THSD4: variants seen among roughly 807,000 people sequenced by gnomAD.
The protein encoded by THSD4 is thrombospondin type-1 domain-containing protein 4.
THSD4 carries 69 observed loss-of-function variants against 119.0 expected under a neutral mutation model. The ratio of observed to expected loss-of-function variants is 0.58; its 90% CI spans 0.48 to 0.71. THSD4 has a LOEUF of 0.71. Ranked by LOEUF, THSD4 falls within the 30% of genes least tolerant of loss-of-function variation. The probability of loss-of-function intolerance (pLI) is 0.00; values close to 1 mark genes in which losing one functional copy is unlikely to be tolerated. For missense variants in THSD4, 1,393 were observed against 1,391.1 expected, an observed-to-expected ratio of 1.00 and a Z score of -0.02; for synonymous variants, 524 against 540.4, an observed-to-expected ratio of 0.97 and a Z score of 0.42.
At chr15:71,262,705 A>G (rs990537625) in intron 6 of THSD4, among the ~76,000 whole-genome samples, 2 of 152,336 alleles carry the variant, frequency 1.3e-5, no homozygotes, top group Middle Eastern at 3.4e-3. Flanking sequence ...AAGGTCGCCA[A>G]CTGGTGACAT....
At chr15:71,222,988 C>A (rs920336196) in intron 4 of THSD4, among the ~76,000 whole-genome samples, 1 of 152,170 alleles carries the variant, frequency 6.6e-6, no homozygotes, top group Admixed American at 6.5e-5. Flanking sequence ...TAATAATACA[C>A]CTACCTCACT....
chr15:71,760,371 T>G (rs2053609754), intron 15 of THSD4, among the ~76,000 whole-genome samples: 1 of 152,228 alleles, frequency 6.6e-6, no homozygotes, highest in African/African-American at 2.4e-5. Context: ...AAGGAGTTTC[T>G]GGCTTTAGAG....
intron 7 of THSD4, among the ~76,000 whole-genome samples, chr15:71,616,759 C>G (rs1358965135): frequency 6.6e-6 from 1 of 152,230 alleles, no homozygotes; most frequent in East Asian, 1.9e-4. Flanking sequence ...AGATGAGATT[C>G]CTGCATTGGG....
At chr15:71,400,954 A>G (rs1031205832) in intron 6 of THSD4, among the ~76,000 whole-genome samples, 1 of 152,172 alleles carries the variant, frequency 6.6e-6, no homozygotes, top group African/African-American at 2.4e-5. Context: ...CTCCAGGAAC[A>G]GCTTCACATG....
intron 7 of THSD4, among the ~76,000 whole-genome samples, chr15:71,601,455 G>C (rs1248922668): frequency 2.6e-5 from 4 of 152,208 alleles, no homozygotes; most frequent in Non-Finnish European, 5.9e-5. Flanking sequence ...GGGTGAGCAT[G>C]TCCAGGCTGC....
chr15:71,718,545 A>C (rs2052653317), intron 8 of THSD4, among the ~76,000 whole-genome samples: 1 of 152,244 alleles, frequency 6.6e-6, no homozygotes, highest in South Asian at 2.1e-4. Flanking sequence ...GGCTCCTAAA[A>C]CCAGATTTCA....
intron 7 of THSD4, among the ~76,000 whole-genome samples, chr15:71,581,724 C>T (rs2049562559): frequency 1.3e-5 from 2 of 152,182 alleles, no homozygotes; most frequent in African/African-American, 4.8e-5. Flanking sequence ...TGATTCCACT[C>T]TTCTGCATGT....
chr15:71,565,585 G>T (rs1041604108), intron 7 of THSD4, among the ~76,000 whole-genome samples: 2 of 152,336 alleles, frequency 1.3e-5, no homozygotes, highest in East Asian at 3.9e-4. Flanking sequence ...AAATGATTTA[G>T]AGAAGTAAAA....
At chr15:71,384,946 C>T (rs1167377297) in intron 6 of THSD4, among the ~76,000 whole-genome samples, 1 of 152,126 alleles carries the variant, frequency 6.6e-6, no homozygotes, top group Non-Finnish European at 1.5e-5. Flanking sequence ...TTTTTCTTTA[C>T]CTAAACATGC....
chr15:71,438,181 ATCTG>A (rs923404498), intron 7 of THSD4, among the ~76,000 whole-genome samples: 2 of 152,040 alleles, frequency 1.3e-5, no homozygotes, highest in African/African-American at 2.4e-5. Flanking sequence ...CTTTTGTGTG[ATCTG>A]TCTTTTAATA....
intron 6 of THSD4, among the ~76,000 whole-genome samples, chr15:71,279,587 G>C (rs1484424853): frequency 6.6e-6 from 1 of 152,156 alleles, no homozygotes; most frequent in South Asian, 2.1e-4. Flanking sequence ...GGGAAGTGTG[G>C]AGGGTGCCTG....
At chr15:71,170,329 T>G (rs1402255540) in intron 3 of THSD4, among the ~76,000 whole-genome samples, 2 of 152,064 alleles carry the variant, frequency 1.3e-5, no homozygotes, top group African/African-American at 4.8e-5. Context: ...AATCTGAGGT[T>G]GAGGAAAGAA....
At chr15:71,194,942 G>C (rs994095971) in intron 3 of THSD4, among the ~76,000 whole-genome samples, 1 of 152,162 alleles carries the variant, frequency 6.6e-6, no homozygotes, top group Non-Finnish European at 1.5e-5. Flanking sequence ...GCAGGAACAG[G>C]AATGAAGCAC....
chr15:71,397,662 G>A (rs1442487528), intron 6 of THSD4, among the ~76,000 whole-genome samples: 1 of 152,190 alleles, frequency 6.6e-6, no homozygotes, highest in East Asian at 1.9e-4. Context: ...GTACTCAGAG[G>A]AAAGAATTAA....
chr15:71,554,837 A>T (rs886922448), intron 7 of THSD4, among the ~76,000 whole-genome samples: 1 of 152,192 alleles, frequency 6.6e-6, no homozygotes, highest in East Asian at 1.9e-4. Context: ...TTTCTTAAAA[A>T]GGCATAATAC....
At chr15:71,752,706 G>A (rs764286269) in intron 14 of THSD4, among the ~76,000 whole-genome samples, 4 of 152,136 alleles carry the variant, frequency 2.6e-5, no homozygotes, top group East Asian at 3.9e-4. Context: ...CTGAGTAACC[G>A]CTGCAGTAAT....
In THSD4 at chr15:71,373,061, C is replaced by G. The variant is rs563999570; in HGVS notation, c.1016-38626C>G. Among the ~76,000 whole-genome samples the G allele has an allele frequency of 8.9e-4, 136 of 152,282 alleles. 4 individuals are homozygous for G. The South Asian group carries it at 0.027, about 30-fold the overall frequency. On this transcript the variant is annotated intron_variant, in intron 6 of 17. Transcript: ENST00000261862. ...AACCTCCTTTCAGAGAGAAGAAAAT[C>G]GAGAGATTCTAAGACTGGTCTAAAA...
At chr15:71,695,039 C>T (rs895279049) in intron 8 of THSD4, among the ~76,000 whole-genome samples, 2 of 152,166 alleles carry the variant, frequency 1.3e-5, no homozygotes, top group Non-Finnish European at 2.9e-5. Flanking sequence ...TGTCTCCTCA[C>T]GGCCCTCTTT....
intron 6 of THSD4, among the ~76,000 whole-genome samples, chr15:71,302,197 C>T (rs2044960148): frequency 6.6e-6 from 1 of 152,190 alleles, no homozygotes; most frequent in Admixed American, 6.5e-5. Context: ...GATCAGATTC[C>T]ATGGGCTTGG....
Sources: gnomAD v4.1 joint callset for allele counts (sites outside exome capture counted in the v4.1 genomes callset) on GRCh38, gnomAD v4.1.1 for gene constraint, MANE v1.5 for transcripts, NCBI Gene and HGNC (gene_info 2026-07-23, HGNC 2026-07-21) for gene names.